Variants in TMBIM6 observed in about 807,000 individuals in gnomAD.
The protein encoded by TMBIM6 is bax inhibitor 1.
Under a neutral mutation model 31.4 loss-of-function variants are expected in TMBIM6, and 13 were observed. That is an observed-to-expected ratio of 0.41 (90% CI 0.27 to 0.66). The LOEUF (loss-of-function observed/expected upper bound fraction) is 0.66, where lower values mean the gene tolerates loss of function less well. Ranked by LOEUF, TMBIM6 falls within the 30% of genes least tolerant of loss-of-function variation. TMBIM6 has a pLI of 0.28. For synonymous variants in TMBIM6, 85 were observed against 101.7 expected (o/e 0.84, Z 0.99); for missense variants, 275 against 289.5 (o/e 0.95, Z 0.36).
Position 49,753,100 on chromosome 12 carries a change from C to G in TMBIM6, c.165+19C>G, listed in dbSNP as rs757147389. On this transcript the variant is annotated intron_variant, in intron 3 of 9. Transcript: ENST00000267115. Reference sequence around the variant, plus strand: ...CATTCAGGTAAGAACGATTTTCTCTCCTGGTTGCTGTGGTACAAATTACAT... The same window carrying G: ...CATTCAGGTAAGAACGATTTTCTCTGCTGGTTGCTGTGGTACAAATTACAT... The G allele has an allele frequency of 3.9e-5, 62 of 1,603,750 alleles. No homozygotes were observed. The highest frequency in any genetic ancestry group is 4.4e-5 in the Non-Finnish European group (52 of 1,172,916).
At chr12:49,746,202 C>A (rs1277344156) in intron 1 of TMBIM6, among the ~76,000 whole-genome samples, 4 of 151,874 alleles carry the variant, frequency 2.6e-5, no homozygotes, top group Non-Finnish European at 4.4e-5. Context: ...CCTGCCTCAG[C>A]CTCCCAAGTA....
intron 1 of TMBIM6, among the ~76,000 whole-genome samples, chr12:49,742,780 T>C (rs1945321151): frequency 6.6e-6 from 1 of 152,226 alleles, no homozygotes; most frequent in Non-Finnish European, 1.5e-5. Context: ...ATTTACACTC[T>C]TTGGTGTTTT....
At chr12:49,744,396 C>CT (rs1052301204) in intron 1 of TMBIM6, 1 of 152,132 alleles carries the variant, frequency 6.6e-6, no homozygotes, top group Admixed American at 6.5e-5. Flanking sequence ...TTCTACCACT[C>CT]TGTTTTGTTC....
At chr12:49,760,790 C>A (rs1945703712) in intron 8 of TMBIM6, among the ~76,000 whole-genome samples, 1 of 151,990 alleles carries the variant, frequency 6.6e-6, no homozygotes, top group South Asian at 2.1e-4. Context: ...AATCTGCCTT[C>A]CTCAGCCTCC....
At chr12:49,744,284 A>G (rs1421955768) in intron 1 of TMBIM6, 3 of 152,168 alleles carry the variant, frequency 2.0e-5, no homozygotes, top group African/African-American at 7.2e-5. Context: ...GCCCAAGGGT[A>G]TTAATTTTCT....
At chr12:49,746,051 A>G (rs1849260550) in intron 1 of TMBIM6, among the ~76,000 whole-genome samples, 1 of 149,606 alleles carries the variant, frequency 6.7e-6, no homozygotes, top group African/African-American at 2.5e-5. Context: ...AAGTGCCTTT[A>G]TGTTTCAGTT....
intron 8 of TMBIM6, among the ~76,000 whole-genome samples, chr12:49,760,083 G>T (rs1341430997): frequency 4.8e-5 from 7 of 145,118 alleles, no homozygotes; most frequent in African/African-American, 1.8e-4. Context: ...CTGCACTCCA[G>T]CCTGGACGAC....
rs779238515 is a variant in TMBIM6 at position 49,753,053 on chromosome 12, A to G, written c.137A>G (p.Tyr46Cys). 5 of 1,614,038 alleles carry G rather than the reference A, an allele frequency of 3.1e-6. No homozygotes were observed. Among genetic ancestry groups the G allele is most frequent in the South Asian group, 2.2e-5 (2 of 91,078 alleles). ...ATGTTTGTGGCGGCTGCAGGGGCCT[A>G]TGTCCATATGGTCACTCATTTCATT... ...LCMFVAAAGA[Y>C]VHMVTHFIQA... The change falls in exon 3 of 10, where the codon TAT (tyrosine) becomes TGT (cysteine). Residue 46 changes from tyrosine to cysteine, a missense_variant. Tyr to Cys is a radical substitution (Grantham distance 194). Transcript: ENST00000267115.
chr12:49,752,332 G>A (rs376995519), intron 1 of TMBIM6, 132 bp from the exon 2 acceptor site: 1 of 533,668 alleles, frequency 1.9e-6, no homozygotes. Flanking sequence ...AATAAAAATG[G>A]TTGTGTTAGG....
At chr12:49,743,067 CT>C (rs1945327747) in intron 1 of TMBIM6, among the ~76,000 whole-genome samples, 1 of 146,418 alleles carries the variant, frequency 6.8e-6, no homozygotes, top group African/African-American at 2.5e-5. Flanking sequence ...TCACTTGAAC[CT>C]TGACCTCTCC....
chr12:49,754,109 T>C (rs1945545715), intron 3 of TMBIM6, among the ~76,000 whole-genome samples: 1 of 152,188 alleles, frequency 6.6e-6, no homozygotes, highest in Non-Finnish European at 1.5e-5. Context: ...CTTTTCATGG[T>C]CATTTAGTGC....
intron 9 of TMBIM6, among the ~76,000 whole-genome samples, chr12:49,762,388 A>G (rs1361271653): frequency 2.0e-5 from 3 of 152,224 alleles, no homozygotes; most frequent in African/African-American, 7.2e-5. Flanking sequence ...TCCTTAATAC[A>G]TTGGGCTTCC....
At chr12:49,760,277 G>C (rs73309015) in intron 8 of TMBIM6, among the ~76,000 whole-genome samples, 23 of 151,954 alleles carry the variant, frequency 1.5e-4, no homozygotes, top group African/African-American at 5.3e-4. Context: ...TAGAGACAGG[G>C]TCTCGCTCTG....
At chr12:49,753,562 C>A (rs1474650275) in intron 3 of TMBIM6, among the ~76,000 whole-genome samples, 1 of 152,188 alleles carries the variant, frequency 6.6e-6, no homozygotes, top group Non-Finnish European at 1.5e-5. Context: ...GAGAGAGAAT[C>A]TGGGTTTGGT....
At chr12:49,759,157 A>G in intron 7 of TMBIM6, 64 bp from the exon 8 acceptor site, 1 of 1,371,084 alleles carries the variant, frequency 7.3e-7, no homozygotes, top group Non-Finnish European at 1.0e-6. Flanking sequence ...GCCAGAAAGT[A>G]TGGCTGGTTT....
chr12:49,758,299 T>G, intron 5 of TMBIM6, 24 bp downstream of exon 5: 4 of 1,614,190 alleles, frequency 2.5e-6, no homozygotes, highest in Non-Finnish European at 3.4e-6. Flanking sequence ...TAGTGTCTTA[T>G]GTGCTTTTAT....
At chr12:49,752,868 G>C in intron 2 of TMBIM6, 105 bp from the exon 3 acceptor site, 1 of 1,077,246 alleles carries the variant, frequency 9.3e-7, no homozygotes, top group South Asian at 1.6e-5. Flanking sequence ...ATTTGTAACA[G>C]AACTTTTACA....
intron 8 of TMBIM6, among the ~76,000 whole-genome samples, chr12:49,760,370 CCTCTT>C (rs1945693082): frequency 6.6e-6 from 1 of 152,016 alleles, no homozygotes; most frequent in Non-Finnish European, 1.5e-5. Context: ...CCTGCCTCAG[CCTCTT>C]GAGTAGCTGG....
Position 49,752,450 on chromosome 12 carries a change from T to C in TMBIM6, c.-30-14T>C, listed in dbSNP as rs1294134063. On this transcript the variant is annotated splice_polypyrimidine_tract_variant and intron_variant, in intron 1 of 9. Coordinates refer to ENST00000267115, the MANE Select transcript of TMBIM6 (RefSeq NM_003217.3). The stretch of plus-strand genomic sequence containing the variant: ...TGTATGACTTAATGACTCTAACCTT[T>C]CTTTATTCTGCAGAGTGGAGACTGC... 6.2e-7 allele frequency: 1 copy of C among 1,600,794 alleles called. No homozygotes were observed. Among genetic ancestry groups the C allele is most frequent in the Non-Finnish European group, 8.5e-7 (1 of 1,173,568 alleles).
Sources: allele counts gnomAD v4.1 joint callset (sites outside exome capture counted in the v4.1 genomes callset), GRCh38; gene constraint gnomAD v4.1.1; transcripts MANE v1.5; gene names NCBI Gene and HGNC (gene_info 2026-07-23, HGNC 2026-07-21).